BTC: variants seen among roughly 807,000 people sequenced by gnomAD.
The protein encoded by BTC is probetacellulin.
In BTC, 13 loss-of-function variants were observed where a neutral mutation model predicts 18.1. That is an observed-to-expected ratio of 0.72 (90% CI 0.47 to 1.14). BTC has a LOEUF of 1.14. Among genes scored for constraint, BTC ranks in the 50% most tolerant of loss-of-function variants. BTC has a pLI of 0.00. For missense variants in BTC, 247 were observed against 224.2 expected (o/e 1.10, Z -0.65); for synonymous variants, 83 against 79.4 (o/e 1.05, Z -0.24).
intron 1 of BTC, among the ~76,000 whole-genome samples, chr4:74,790,557 T>A (rs1198912083): frequency 1.3e-5 from 2 of 152,164 alleles, no homozygotes. Flanking sequence ...CCATGTGGGT[T>A]CTATCAGGGA....
rs141952426 is a variant in BTC at position 74,753,757 on chromosome 4, G to A, written c.281+2102C>T. 1.6e-4 allele frequency among the ~76,000 whole-genome samples: 24 copies of A among 152,162 alleles called. 1 individual carries two copies. Among genetic ancestry groups the A allele is most frequent in the African/African-American group, 5.5e-4 (23 of 41,506 alleles). On this transcript the variant is annotated intron_variant, in intron 3 of 5. Transcript: ENST00000395743. ...CATAGCTTCTTGGGAGGATGAGGCA[G>A]GAGAGGCACATTAGCCTAGGAGTTT...
rs1403359892 is a variant in BTC, at chr4:74,755,032, C to T, written c.281+827G>A. On this transcript the variant is annotated intron_variant, in intron 3 of 5. Coordinates refer to ENST00000395743, the MANE Select transcript of BTC (RefSeq NM_001729.4). Reference sequence around the variant, plus strand: ...GTTATCTGCCTCCATGTATTATCCACGCATATTTCCTTTTTAAATTAAATA... The same window carrying T: ...GTTATCTGCCTCCATGTATTATCCATGCATATTTCCTTTTTAAATTAAATA... 4.6e-5 allele frequency among the ~76,000 whole-genome samples: 7 copies of T among 151,814 alleles called. No homozygotes were observed. The South Asian group carries it at 6.2e-4, about 14-fold the overall frequency.
chr4:74,761,430 C>T (rs6811334), intron 2 of BTC, among the ~76,000 whole-genome samples: 90,892 of 151,944 alleles, frequency 0.6, 27,313 homozygotes, highest in East Asian at 0.67. Flanking sequence ...AAACACATCT[C>T]TATGATAACA....
Position 74,788,731 on chromosome 4 carries a change from T to C in BTC, c.64+5531A>G, listed in dbSNP as rs373326038. On this transcript the variant is annotated intron_variant, in intron 1 of 5. Transcript: ENST00000395743. ...CACCGTGCCATGAGCAAAAGAGTTATGCATTTGGATATGTTAATGTTTTGC... is the reference window on the plus strand; with the variant it reads ...CACCGTGCCATGAGCAAAAGAGTTACGCATTTGGATATGTTAATGTTTTGC... 1.1e-4 allele frequency among the ~76,000 whole-genome samples: 16 copies of C among 152,328 alleles called. No individual in the cohort carries two copies. The East Asian group carries it at 2.9e-3, about 28-fold the overall frequency.
intron 1 of BTC, among the ~76,000 whole-genome samples, chr4:74,778,120 T>G (rs10023748): frequency 0.27 from 40,489 of 152,038 alleles, 7,885 homozygotes; most frequent in African/African-American, 0.55. Flanking sequence ...GGTGTAATGT[T>G]ACAGCGTTCT....
intron 1 of BTC, among the ~76,000 whole-genome samples, chr4:74,792,163 C>T (rs28441260): frequency 0.27 from 40,514 of 152,072 alleles, 7,917 homozygotes; most frequent in African/African-American, 0.55. Context: ...AATTACGTTC[C>T]TTAGCATTTT....
intron 2 of BTC, among the ~76,000 whole-genome samples, chr4:74,757,843 C>CCT (rs1724642323): frequency 6.6e-6 from 1 of 152,106 alleles, no homozygotes; most frequent in Non-Finnish European, 1.5e-5. Context: ...GCTGTCTGAA[C>CCT]CTTTGTTTCC....
intron 1 of BTC, among the ~76,000 whole-genome samples, chr4:74,789,706 C>A (rs1725571432): frequency 6.6e-6 from 1 of 152,132 alleles, no homozygotes; most frequent in African/African-American, 2.4e-5. Context: ...TATAGAGAAA[C>A]AACTTTTGAC....
At chr4:74,785,444 AT>A (rs888549020) in intron 1 of BTC, among the ~76,000 whole-genome samples, 105 of 151,766 alleles carry the variant, frequency 6.9e-4, no homozygotes, top group African/African-American at 2.3e-3. Context: ...GATCTTGGGT[AT>A]TTTTTTGTCT....
chr4:74,774,602 A>G (rs764267165), intron 1 of BTC, among the ~76,000 whole-genome samples: 2 of 152,046 alleles, frequency 1.3e-5, no homozygotes, highest in Non-Finnish European at 2.9e-5. Context: ...AAAAAAAAAA[A>G]AGGAACAACT....
intron 1 of BTC, among the ~76,000 whole-genome samples, chr4:74,774,596 A>AT (rs1020704739): frequency 7.9e-5 from 12 of 152,044 alleles, no homozygotes; most frequent in African/African-American, 2.9e-4. Flanking sequence ...TTCTTTAAAA[A>AT]AAAAAAAGGA....
intron 2 of BTC, among the ~76,000 whole-genome samples, chr4:74,761,027 C>A (rs1338932720): frequency 6.6e-6 from 1 of 152,138 alleles, no homozygotes; most frequent in Admixed American, 6.5e-5. Flanking sequence ...AGCCAATGCG[C>A]CTGGCCTAGC....
At chr4:74,774,843 A>G (rs1302885211) in intron 1 of BTC, among the ~76,000 whole-genome samples, 1 of 151,224 alleles carries the variant, frequency 6.6e-6, no homozygotes, top group Non-Finnish European at 1.5e-5. Flanking sequence ...TTTTTTTTCC[A>G]TTTTGAAAAG....
At chr4:74,777,519 A>G (rs186084709) in intron 1 of BTC, among the ~76,000 whole-genome samples, 1 of 152,344 alleles carries the variant, frequency 6.6e-6, no homozygotes. Flanking sequence ...AGATGAATAC[A>G]CATATATATG....
intron 1 of BTC, among the ~76,000 whole-genome samples, chr4:74,793,001 C>A (rs113623065): frequency 6.6e-6 from 1 of 152,190 alleles, no homozygotes; most frequent in East Asian, 1.9e-4. Flanking sequence ...TTGCTGACTA[C>A]GACAGATTCT....
At chr4:74,749,688 G>T (rs67891706) in intron 4 of BTC, among the ~76,000 whole-genome samples, 38,502 of 76,998 alleles carry the variant, frequency 0.5, 7,845 homozygotes, top group Non-Finnish European at 0.56. Context: ...AGTTTTTTTT[G>T]TTGTTGTTGT....
chr4:74,770,261 CTA>C, intron 1 of BTC, 105 bp from the exon 2 acceptor site: 1 of 882,964 alleles, frequency 1.1e-6, no homozygotes, highest in Non-Finnish European at 1.7e-6. Flanking sequence ...AATAACAAGA[CTA>C]TGGTTTCCAT....
chr4:74,793,970 A>G (rs944602770), intron 1 of BTC, among the ~76,000 whole-genome samples: 1 of 151,714 alleles, frequency 6.6e-6, no homozygotes, highest in Non-Finnish European at 1.5e-5. Context: ...TGTGCGCACA[A>G]GTCAGCAGCT....
intron 2 of BTC, among the ~76,000 whole-genome samples, chr4:74,763,259 T>C (rs186707911): frequency 3.0e-4 from 46 of 152,306 alleles, no homozygotes; most frequent in African/African-American, 1.1e-3. Context: ...ACCAAATCAC[T>C]AATGTATTTG....
Sources: allele counts gnomAD v4.1 joint callset (sites outside exome capture counted in the v4.1 genomes callset), GRCh38; gene constraint gnomAD v4.1.1; transcripts MANE v1.5; gene names NCBI Gene and HGNC (gene_info 2026-07-23, HGNC 2026-07-21).